CXXC4: variants seen among roughly 807,000 people sequenced by gnomAD.
CXXC4 encodes the protein CXXC finger protein 4.
A neutral mutation model predicts 20.5 loss-of-function variants in CXXC4; 5 were observed. The observed-to-expected ratio is 0.24, with a 90% CI of 0.13 to 0.51. CXXC4 has a LOEUF of 0.51. Ranked by LOEUF, CXXC4 falls within the 20% of genes least tolerant of loss-of-function variation. The pLI, the probability that CXXC4 is intolerant of heterozygous loss-of-function variation, is 0.97. For synonymous variants in CXXC4, 250 were observed against 216.4 expected (o/e 1.16, Z -1.36); for missense variants, 419 against 496.4 (o/e 0.84, Z 1.48).
At chr4:104,481,710 G>GT (rs1736562896) in intron 2 of CXXC4, among the ~76,000 whole-genome samples, 1 of 151,958 alleles carries the variant, frequency 6.6e-6, no homozygotes, top group Non-Finnish European at 1.5e-5. Context: ...TGGTACATAC[G>GT]TATGTATGTA....
rs975655444 is a variant in CXXC4 at position 104,468,912 on chromosome 4, A to G, written c.*3410T>C. ...CTTTATATGCTTTAGCATTAATTGC[A>G]CAACTTACATATCAGGGTTTCTGAT... On this transcript the variant is annotated 3_prime_UTR_variant, in exon 3 of 3. Transcript: ENST00000394767. The G allele has an allele frequency of 6.6e-6, 1 of 152,050 alleles. No homozygotes were observed. Among genetic ancestry groups the G allele is most frequent in the East Asian group, 1.9e-4 (1 of 5,198 alleles). 9.4% of individuals were successfully genotyped at this position (152,050 alleles called of 1,614,324 possible). A position where few individuals can be genotyped will look rare whatever the true frequency, so the allele number is the denominator to read the frequency against.
chr4:104,486,408 A>G (rs573683308), intron 2 of CXXC4, among the ~76,000 whole-genome samples: 1 of 152,066 alleles, frequency 6.6e-6, no homozygotes, highest in African/African-American at 2.4e-5. Flanking sequence ...CTTTAGTCAA[A>G]GATAAAATTT....
intron 2 of CXXC4, among the ~76,000 whole-genome samples, chr4:104,488,551 T>C (rs1372144665): frequency 6.6e-6 from 1 of 152,228 alleles, no homozygotes; most frequent in African/African-American, 2.4e-5. Flanking sequence ...ATAGAAGGGA[T>C]CTGAAGTTAG....
intron 2 of CXXC4, among the ~76,000 whole-genome samples, chr4:104,474,075 A>C (rs1203333237): frequency 6.6e-6 from 1 of 152,038 alleles, no homozygotes; most frequent in African/African-American, 2.4e-5. Context: ...TTTCAAAATG[A>C]CTGTGTTGAG....
Position 104,491,557 on chromosome 4 carries a change from CGCGGCGGCCGCG to C in CXXC4, c.234_245del (p.Ala79_Ala82del), listed in dbSNP as rs1335536178. On this transcript the variant is annotated inframe_deletion, in exon 2 of 3. Coordinates refer to ENST00000394767, the MANE Select transcript of CXXC4 (RefSeq NM_025212.4). ...AGTTCCAGGGGGACATGCCGATGCG[CGCGGCGGCCGCG>C]GCGGCGGCGGCGCTGCTGGGGAAGA... 9.3e-6 allele frequency: 14 copies of C among 1,500,838 alleles called. No homozygotes were observed. The Admixed American group carries it at 2.6e-4, about 28-fold the overall frequency. 93.0% of individuals were successfully genotyped at this position (1,500,838 alleles called of 1,614,324 possible).
At chr4:104,481,355 C>T (rs1293918361) in intron 2 of CXXC4, among the ~76,000 whole-genome samples, 1 of 151,928 alleles carries the variant, frequency 6.6e-6, no homozygotes, top group African/African-American at 2.4e-5. Context: ...CATGGTGAAA[C>T]CCCATCTCTA....
At chr4:104,480,484 T>C (rs1490025137) in intron 2 of CXXC4, among the ~76,000 whole-genome samples, 1 of 152,174 alleles carries the variant, frequency 6.6e-6, no homozygotes. Flanking sequence ...GTTTCGAGCA[T>C]TGGTTTTCCC....
intron 2 of CXXC4, among the ~76,000 whole-genome samples, chr4:104,487,619 T>C (rs1736732154): frequency 6.6e-6 from 1 of 152,164 alleles, no homozygotes; most frequent in Admixed American, 6.5e-5. Context: ...TCATTTAGGA[T>C]AGAAATTTTT....
At chr4:104,477,737 A>G (rs1280132562) in intron 2 of CXXC4, among the ~76,000 whole-genome samples, 2 of 152,002 alleles carry the variant, frequency 1.3e-5, no homozygotes, top group Admixed American at 1.3e-4. Flanking sequence ...AAATTTAAAA[A>G]TATTTGGAGT....
At chr4:104,490,409 C>T (rs1437503247) in intron 2 of CXXC4, among the ~76,000 whole-genome samples, 1 of 152,176 alleles carries the variant, frequency 6.6e-6, no homozygotes, top group Non-Finnish European at 1.5e-5. Flanking sequence ...GATGCCCCAC[C>T]CTTTTTAATG....
At chr4:104,487,316 T>C (rs892514566) in intron 2 of CXXC4, among the ~76,000 whole-genome samples, 1 of 152,128 alleles carries the variant, frequency 6.6e-6, no homozygotes, top group African/African-American at 2.4e-5. Context: ...CAACTAATGG[T>C]AGAGAAACCA....
Position 104,491,546 on chromosome 4 carries a change from A to G in CXXC4, c.257T>C (p.Met86Thr), listed in dbSNP as rs753040383. The change falls in exon 2 of 3, where the codon ATG (methionine) becomes ACG (threonine). Residue 86 changes from methionine to threonine, a missense_variant. By Grantham distance (81) the Met-to-Thr change is moderately conservative. Transcript: ENST00000394767. The part of the protein sequence containing the change: ...AAAAAAARIG[M>T]SPWNCDNAAT... ...CGCGTTGTCGCAGTTCCAGGGGGAC[A>G]TGCCGATGCGCGCGGCGGCCGCGGC... 1 of 1,478,552 alleles carries G rather than the reference A, an allele frequency of 6.8e-7. No homozygotes were observed. 91.6% of individuals were successfully genotyped at this position (1,478,552 alleles called of 1,614,324 possible).
chr4:104,476,488 G>C (rs1356651066), intron 2 of CXXC4, among the ~76,000 whole-genome samples: 1 of 152,098 alleles, frequency 6.6e-6, no homozygotes, highest in Non-Finnish European at 1.5e-5. Flanking sequence ...TCATATCTAA[G>C]TACAGTGTGT....
At chr4:104,494,213 A>G (rs1736980065) in intron 1 of CXXC4, among the ~76,000 whole-genome samples, 3 of 152,262 alleles carry the variant, frequency 2.0e-5, no homozygotes, top group African/African-American at 7.2e-5. Flanking sequence ...ACAAATAACT[A>G]TAGTTCTATG....
chr4:104,485,876 T>C (rs1030508105), intron 2 of CXXC4, among the ~76,000 whole-genome samples: 5 of 152,112 alleles, frequency 3.3e-5, no homozygotes, highest in African/African-American at 9.6e-5. Flanking sequence ...TTCAGAAAAG[T>C]AGATGACTGA....
At chr4:104,484,732 T>C (rs1736640213) in intron 2 of CXXC4, among the ~76,000 whole-genome samples, 5 of 152,066 alleles carry the variant, frequency 3.3e-5, no homozygotes. Context: ...GGGATCCTTT[T>C]AGCCCCTGCA....
At chr4:104,490,707 G>T (rs757880894) in intron 2 of CXXC4, 37 bp downstream of exon 2, 32 of 1,542,502 alleles carry the variant, frequency 2.1e-5, no homozygotes, top group Non-Finnish European at 2.4e-5. Context: ...AGGAGGGAAG[G>T]GGGGAGACTG....
intron 2 of CXXC4, among the ~76,000 whole-genome samples, chr4:104,480,341 C>A (rs1474901202): frequency 6.6e-6 from 1 of 152,050 alleles, no homozygotes; most frequent in Admixed American, 6.6e-5. Context: ...TCTTTAGTAG[C>A]CTTTTTTATA....
At chr4:104,493,949 A>G (rs2110282781) in intron 1 of CXXC4, among the ~76,000 whole-genome samples, 1 of 152,296 alleles carries the variant, frequency 6.6e-6, no homozygotes, top group South Asian at 2.1e-4. Flanking sequence ...CTTGTTCCAA[A>G]TAAATAAATA....
Sources: allele counts gnomAD v4.1 joint callset (sites outside exome capture counted in the v4.1 genomes callset), GRCh38; gene constraint gnomAD v4.1.1; transcripts MANE v1.5; gene names NCBI Gene and HGNC (gene_info 2026-07-23, HGNC 2026-07-21).